Variants in THEMIS observed in about 807,000 individuals in gnomAD.
THEMIS encodes the protein protein THEMIS.
THEMIS carries 37 observed loss-of-function variants against 52.6 expected under a neutral mutation model. That is an observed-to-expected ratio of 0.70 (90% CI 0.54 to 0.93). The LOEUF (loss-of-function observed/expected upper bound fraction) is 0.93. Among genes scored for constraint, THEMIS ranks in the 40% least tolerant of loss-of-function variants. The pLI, the probability that THEMIS is intolerant of heterozygous loss-of-function variation, is 0.00. For missense variants in THEMIS, 808 were observed against 763.1 expected (o/e 1.06, Z -0.69); for synonymous variants, 292 against 272.7 (o/e 1.07, Z -0.70).
chr6:127,901,850 T>C (rs1044125768), upstream of THEMIS, among the ~76,000 whole-genome samples: 1 of 152,016 alleles, frequency 6.6e-6, no homozygotes, highest in African/African-American at 2.4e-5. Context: ...ACAATTCTGA[T>C]CTTATTGTTG....
chr6:127,823,088 C>A (rs1227247189), intron 3 of THEMIS, among the ~76,000 whole-genome samples: 3 of 151,930 alleles, frequency 2.0e-5, no homozygotes. Flanking sequence ...TCTGGAAAAT[C>A]CTAACAAGGC....
intron 2 of THEMIS, among the ~76,000 whole-genome samples, chr6:127,848,819 A>G (rs1046760192): frequency 1.3e-5 from 2 of 152,090 alleles, no homozygotes; most frequent in African/African-American, 4.8e-5. Flanking sequence ...TAGATTCTGC[A>G]TATTAGCCCT....
At chr6:127,782,599 T>A in intron 4 of THEMIS, among the ~76,000 whole-genome samples, 1 of 152,198 alleles carries the variant, frequency 6.6e-6, no homozygotes, top group East Asian at 1.9e-4. Context: ...TGCCCCGCCC[T>A]GCTTTGGCTT....
At chr6:127,740,777 G>C (rs192780281) in intron 4 of THEMIS, among the ~76,000 whole-genome samples, 1 of 152,090 alleles carries the variant, frequency 6.6e-6, no homozygotes, top group Non-Finnish European at 1.5e-5. Context: ...CTAGAACTCC[G>C]CTATATAAAC....
At chr6:127,715,841 G>T (rs563285838) in intron 5 of THEMIS, among the ~76,000 whole-genome samples, 3 of 151,800 alleles carry the variant, frequency 2.0e-5, no homozygotes, top group Admixed American at 6.6e-5. Flanking sequence ...AGGATCACAG[G>T]CTTTCAGAAC....
chr6:127,779,326 C>T (rs1172726844), intron 4 of THEMIS, among the ~76,000 whole-genome samples: 1 of 152,120 alleles, frequency 6.6e-6, no homozygotes, highest in Non-Finnish European at 1.5e-5. Flanking sequence ...AACATCACAA[C>T]CTCCTCAAAT....
intron 4 of THEMIS, among the ~76,000 whole-genome samples, chr6:127,783,510 A>G (rs1027556910): frequency 2.0e-5 from 3 of 152,250 alleles, no homozygotes; most frequent in Admixed American, 2.0e-4. Flanking sequence ...AATATCCAGA[A>G]TCTACAAGGA....
At chr6:127,755,703 T>C (rs72965788) in intron 4 of THEMIS, among the ~76,000 whole-genome samples, 1 of 152,230 alleles carries the variant, frequency 6.6e-6, no homozygotes, top group Non-Finnish European at 1.5e-5. Context: ...CTTTTTGTTT[T>C]TATAAAAAAG....
chr6:127,770,022 T>G (rs541306511), intron 4 of THEMIS, among the ~76,000 whole-genome samples: 14 of 152,242 alleles, frequency 9.2e-5, no homozygotes, highest in Non-Finnish European at 1.3e-4. Context: ...CGGTCTATCA[T>G]TGATGGACAT....
At chr6:127,860,582 T>G (rs534945470) in intron 1 of THEMIS, among the ~76,000 whole-genome samples, 1 of 152,174 alleles carries the variant, frequency 6.6e-6, no homozygotes, top group East Asian at 1.9e-4. Context: ...CAAAAGACTG[T>G]AGGAAATGTT....
At chr6:127,821,024 C>G (rs1479210099) in intron 3 of THEMIS, among the ~76,000 whole-genome samples, 1 of 151,558 alleles carries the variant, frequency 6.6e-6, no homozygotes, top group Non-Finnish European at 1.5e-5. Flanking sequence ...TCTTATAAAA[C>G]AAAAAGTTGC....
chr6:127,874,999 G>A (rs1361724316), intron 1 of THEMIS, among the ~76,000 whole-genome samples: 1 of 152,210 alleles, frequency 6.6e-6, no homozygotes, highest in Non-Finnish European at 1.5e-5. Flanking sequence ...CCTAGGAGCA[G>A]AAACCCTATT....
At chr6:127,861,550 A>G (rs270038) in intron 1 of THEMIS, among the ~76,000 whole-genome samples, 86,805 of 151,758 alleles carry the variant, frequency 0.57, 25,931 homozygotes, top group East Asian at 0.82. Flanking sequence ...TTGGGAGGCC[A>G]AGGTGGGTGG....
intron 4 of THEMIS, among the ~76,000 whole-genome samples, chr6:127,808,239 C>T (rs1178436459): frequency 6.6e-6 from 1 of 152,172 alleles, no homozygotes; most frequent in Non-Finnish European, 1.5e-5. Flanking sequence ...GTTATAGACC[C>T]TTTCATCAGA....
chr6:127,726,376 G>T (rs77178858), intron 4 of THEMIS, among the ~76,000 whole-genome samples: 1 of 152,134 alleles, frequency 6.6e-6, no homozygotes, highest in African/African-American at 2.4e-5. Context: ...TGGACTGGCT[G>T]GGACTAGACC....
At chr6:127,746,926 TA>T (rs1321710000) in intron 4 of THEMIS, among the ~76,000 whole-genome samples, 5 of 45,318 alleles carry the variant, frequency 1.1e-4, no homozygotes, top group East Asian at 4.0e-3. Context: ...TATATATAGA[TA>T]TCTATAATTA....
intron 4 of THEMIS, among the ~76,000 whole-genome samples, chr6:127,773,016 G>T (rs146489806): frequency 6.6e-6 from 1 of 152,090 alleles, no homozygotes; most frequent in Admixed American, 6.5e-5. Context: ...ATGTCTGTAC[G>T]CATGTAAAGA....
intron 2 of THEMIS, among the ~76,000 whole-genome samples, chr6:127,830,975 A>C (rs910278429): frequency 1.3e-5 from 2 of 152,216 alleles, no homozygotes; most frequent in African/African-American, 2.4e-5. Flanking sequence ...CTTGTGGAAA[A>C]CACACATTAA....
downstream of THEMIS, among the ~76,000 whole-genome samples, chr6:127,706,146 A>T (rs1476322129): frequency 6.6e-6 from 1 of 152,130 alleles, no homozygotes; most frequent in Non-Finnish European, 1.5e-5. Flanking sequence ...AAACTCAAAG[A>T]AGAAAAGATG....
Sources: gnomAD v4.1 joint callset for allele counts (sites outside exome capture counted in the v4.1 genomes callset) on GRCh38, gnomAD v4.1.1 for gene constraint, MANE v1.5 for transcripts, NCBI Gene and HGNC (gene_info 2026-07-23, HGNC 2026-07-21) for gene names.